LRRC4C: variants seen among roughly 807,000 people sequenced by gnomAD.
LRRC4C encodes the protein leucine-rich repeat-containing protein 4C.
In LRRC4C, 5 loss-of-function variants were observed where a neutral mutation model predicts 33.6. The observed-to-expected ratio is 0.15, with a 90% CI of 0.08 to 0.31. LRRC4C has a LOEUF of 0.31. LRRC4C is among the 10% of genes least tolerant of loss of function. The pLI, the probability that LRRC4C is intolerant of heterozygous loss-of-function variation, is 1.00. For synonymous variants in LRRC4C, 329 were observed against 302.0 expected (o/e 1.09, Z -0.93); for missense variants, 560 against 796.7 (o/e 0.70, Z 3.58).
chr11:40,164,293 C>T (rs1859401879), intron 5 of LRRC4C, among the ~76,000 whole-genome samples: 1 of 152,096 alleles, frequency 6.6e-6, no homozygotes, highest in African/African-American at 2.4e-5. Context: ...TATTATCCAG[C>T]CATAAAAGAG....
At position 40,983,697 on chromosome 11, in the gene LRRC4C, C is replaced by T. The variant is rs375751598; in HGVS notation, c.-495-49974G>A. Among the ~76,000 whole-genome samples, 20 of 152,206 alleles carry T rather than the reference C, an allele frequency of 1.3e-4. No individual in the cohort carries two copies. In the East Asian group the frequency reaches 2.9e-3, roughly 22 times the overall value. On this transcript the variant is annotated intron_variant, in intron 1 of 6. Coordinates refer to ENST00000528697, the MANE Select transcript of LRRC4C (RefSeq NM_001258419.2). ...AGTGGGCAAAAGACATGAACAGACA[C>T]TTCTCAAAGGAAGACATATATGTGG... is the stretch of plus-strand genomic sequence containing the variant.
chr11:40,727,232 G>C (rs1207105671), intron 2 of LRRC4C, among the ~76,000 whole-genome samples: 1 of 152,036 alleles, frequency 6.6e-6, no homozygotes, highest in Non-Finnish European at 1.5e-5. Context: ...TAGACCAATG[G>C]AACAGAATAC....
At chr11:40,201,874 C>T (rs1023045442) in intron 5 of LRRC4C, among the ~76,000 whole-genome samples, 1 of 152,112 alleles carries the variant, frequency 6.6e-6, no homozygotes, top group Admixed American at 6.5e-5. Context: ...CAAATGCCAC[C>T]TCGCATGGCC....
chr11:41,355,993 A>G (rs1952147380), intron 1 of LRRC4C, among the ~76,000 whole-genome samples: 1 of 152,150 alleles, frequency 6.6e-6, no homozygotes, highest in Admixed American at 6.6e-5. Context: ...AAAGAGGATG[A>G]TAATAAGTTT....
At chr11:40,621,956 A>G (rs934625490) in intron 3 of LRRC4C, among the ~76,000 whole-genome samples, 1 of 151,790 alleles carries the variant, frequency 6.6e-6, no homozygotes, top group African/African-American at 2.4e-5. Context: ...TGGGATGGAG[A>G]GCTGGGATTT....
chr11:40,546,462 A>T (rs569820335), intron 3 of LRRC4C, among the ~76,000 whole-genome samples: 2 of 152,048 alleles, frequency 1.3e-5, no homozygotes, highest in Non-Finnish European at 2.9e-5. Context: ...TCAATTTTAC[A>T]TGGTTGTGAT....
intron 2 of LRRC4C, among the ~76,000 whole-genome samples, chr11:40,795,428 A>G (rs1364821364): frequency 1.3e-5 from 2 of 151,932 alleles, no homozygotes; most frequent in Non-Finnish European, 2.9e-5. Flanking sequence ...TACTCGGGAG[A>G]CTGAGGCAGG....
chr11:40,742,043 C>T (rs1375450321), intron 2 of LRRC4C, among the ~76,000 whole-genome samples: 2 of 151,976 alleles, frequency 1.3e-5, no homozygotes, highest in South Asian at 4.1e-4. Context: ...AGAAAAAAAT[C>T]TAATATTGCC....
chr11:40,422,817 T>C (rs1414311361), intron 3 of LRRC4C, among the ~76,000 whole-genome samples: 1 of 152,154 alleles, frequency 6.6e-6, no homozygotes, highest in Non-Finnish European at 1.5e-5. Flanking sequence ...TGGAAAGTGA[T>C]GAGATATAAA....
intron 1 of LRRC4C, among the ~76,000 whole-genome samples, chr11:41,291,291 A>G (rs1591174707): frequency 6.6e-6 from 1 of 152,160 alleles, no homozygotes; most frequent in South Asian, 2.1e-4. Context: ...GCTGTTTTAT[A>G]TGGGACACTC....
intron 1 of LRRC4C, among the ~76,000 whole-genome samples, chr11:41,294,091 T>A (rs1950070563): frequency 6.6e-6 from 1 of 152,058 alleles, no homozygotes; most frequent in African/African-American, 2.4e-5. Flanking sequence ...ACCTTCGAAG[T>A]GGTGTGAAAG....
At chr11:41,151,249 C>T (rs1194603367) in intron 1 of LRRC4C, among the ~76,000 whole-genome samples, 15 of 152,210 alleles carry the variant, frequency 9.9e-5, no homozygotes, top group Admixed American at 9.2e-4. Flanking sequence ...TTAGTTCACA[C>T]TAACAAACAA....
intron 1 of LRRC4C, among the ~76,000 whole-genome samples, chr11:41,375,665 C>T (rs1013797533): frequency 5.9e-5 from 9 of 152,012 alleles, no homozygotes; most frequent in Non-Finnish European, 1.3e-4. Context: ...GGTAGAGAGC[C>T]AAACTGGGAT....
At chr11:40,920,568 C>A (rs578245712) in intron 2 of LRRC4C, among the ~76,000 whole-genome samples, 3 of 152,206 alleles carry the variant, frequency 2.0e-5, no homozygotes, top group Admixed American at 6.6e-5. Context: ...AGCATACAAT[C>A]ATTTCCCCCA....
intron 1 of LRRC4C, among the ~76,000 whole-genome samples, chr11:41,259,933 G>A (rs1178735193): frequency 6.6e-6 from 1 of 151,852 alleles, no homozygotes; most frequent in Non-Finnish European, 1.5e-5. Context: ...CTGTTAATAT[G>A]CCATTTTTAA....
rs769415358 is a variant in LRRC4C, at chr11:40,115,430, G to A, written c.863C>T (p.Thr288Ile). The change falls in exon 7 of 7, where the codon ACT becomes ATT. Residue 288 changes from threonine (T) to isoleucine (I), a missense_variant. Thr to Ile is a moderately conservative substitution (Grantham distance 89). Around this residue, in one of 3 missense-constraint regions of LRRC4C, gnomAD observed 455 missense variants for 643.8 expected, o/e 0.71. Transcript: ENST00000528697. The surrounding 1 kb of genome is among the most constrained non-coding windows in gnomAD (Gnocchi z 6.7). ...TATCCGCTCTAGATGATGCAAGGGA[G>A]TGAAGAGGTCATGAGGCAGTAATGT... ...NLTLLPHDLF[T>I]PLHHLERIHL... 20 of 1,614,104 alleles carry A rather than the reference G, an allele frequency of 1.2e-5. No homozygotes were observed. The highest frequency in any genetic ancestry group is 1.6e-5 in the Non-Finnish European group (19 of 1,180,040).
intron 1 of LRRC4C, among the ~76,000 whole-genome samples, chr11:40,983,541 T>A (rs1015820841): frequency 1.3e-5 from 2 of 152,050 alleles, no homozygotes; most frequent in Non-Finnish European, 2.9e-5. Context: ...AAAGAAACTA[T>A]CAACAGAGTA....
At chr11:41,048,193 A>T (rs867590414) in intron 1 of LRRC4C, among the ~76,000 whole-genome samples, 5 of 152,104 alleles carry the variant, frequency 3.3e-5, no homozygotes, top group Admixed American at 6.5e-5. Context: ...TAAATAAACC[A>T]GCAATGTGTG....
intron 3 of LRRC4C, among the ~76,000 whole-genome samples, chr11:40,426,343 T>C (rs2137799207): frequency 6.6e-6 from 1 of 151,734 alleles, no homozygotes; most frequent in Non-Finnish European, 1.5e-5. Flanking sequence ...CCTCCTACCC[T>C]ACAACTCTCA....
Sources: gnomAD v4.1 joint callset for allele counts (sites outside exome capture counted in the v4.1 genomes callset) on GRCh38, gnomAD v4.1.1 for gene constraint, gnomAD v4.1.1 regional missense constraint, Gnocchi (gnomAD v3.1) non-coding constraint, MANE v1.5 for transcripts, NCBI Gene and HGNC (gene_info 2026-07-23, HGNC 2026-07-21) for gene names.